FAM234A: variants seen among roughly 807,000 people sequenced by gnomAD.
FAM234A encodes protein FAM234A.
In FAM234A, 42 loss-of-function variants were observed where a neutral mutation model predicts 49.1. The ratio of observed to expected loss-of-function variants is 0.86; its 90% CI spans 0.67 to 1.11. FAM234A has a LOEUF of 1.11. Ranked by LOEUF, FAM234A falls within the 50% of genes least tolerant of loss-of-function variation. The pLI, the probability that FAM234A is intolerant of heterozygous loss-of-function variation, is 0.00. For missense variants in FAM234A, 815 were observed against 745.2 expected, an observed-to-expected ratio of 1.09 and a Z score of -1.09; for synonymous variants, 369 against 316.2, an observed-to-expected ratio of 1.17 and a Z score of -1.77.
intron 2 of FAM234A, among the ~76,000 whole-genome samples, chr16:250,693 A>G (rs1203635631): frequency 1.3e-5 from 2 of 151,120 alleles, no homozygotes; most frequent in Non-Finnish European, 3.0e-5. Flanking sequence ...CCACAAAGAA[A>G]CCCTCAGCCC....
At chr16:254,073 C>G (rs2051128305) in intron 2 of FAM234A, 3 of 341,048 alleles carry the variant, frequency 8.8e-6, no homozygotes, top group Admixed American at 4.7e-5. Context: ...TAACACTGCC[C>G]TGGAGCTCAT....
chr16:264,978 A>G lies in FAM234A; in HGVS notation c.1615A>G (p.Ile539Val), dbSNP rs369584874. The G allele has an allele frequency of 4.1e-5, 66 of 1,611,718 alleles. No homozygotes were observed. The highest frequency in any genetic ancestry group is 5.3e-5 in the Non-Finnish European group (62 of 1,179,062). Residue 539 changes from isoleucine (I) to valine (V), a missense_variant, in exon 13 of 13, where the codon ATC (isoleucine) becomes GTC (valine). Ile to Val is a conservative substitution (Grantham distance 29). Transcript: ENST00000399932. Reference protein sequence around the residue: ...GEGGPDSDQAIRDRFSRLRYQ... With the variant: ...GEGGPDSDQAVRDRFSRLRYQ... ...GGGTGGGCCAGACAGTGACCAAGCC[A>G]TCAGGGACCGGTTCTCCCGGCTGCG...
chr16:265,165 C>G lies in FAM234A; in HGVS notation c.*143C>G. 1 of 1,432,244 alleles carries G rather than the reference C, an allele frequency of 7.0e-7. No homozygotes were observed. The allele number at this position is 1,432,244 out of a possible 1,614,324, so 88.7% of individuals were successfully genotyped here. On this transcript the variant is annotated 3_prime_UTR_variant, in exon 13 of 13. Transcript: ENST00000399932. ...CGCCACTGGGCAGCAGCAGCCTTAC[C>G]AGTCCTCCATGATCACACCCAGGGA...
At chr16:244,061 C>T (rs1474116829) in intron 1 of FAM234A, among the ~76,000 whole-genome samples, 11 of 152,018 alleles carry the variant, frequency 7.2e-5, no homozygotes, top group Non-Finnish European at 1.5e-5. Context: ...CTCCGCCTCC[C>T]AGGTTCACAC....
chr16:239,336 G>T (rs7200945), intron 1 of FAM234A, among the ~76,000 whole-genome samples: 1 of 149,914 alleles, frequency 6.7e-6, no homozygotes, highest in Non-Finnish European at 1.5e-5. Flanking sequence ...AAATTGTGCC[G>T]GATGCGGTGG....
intron 1 of FAM234A, among the ~76,000 whole-genome samples, chr16:241,928 A>G (rs1251987546): frequency 1.3e-5 from 2 of 151,412 alleles, no homozygotes; most frequent in African/African-American, 2.4e-5. Flanking sequence ...AAAAAAGGCA[A>G]TTAGAATGAG....
chr16:262,277 G>T (rs1316806482), intron 7 of FAM234A, 52 bp downstream of exon 7: 3 of 1,601,830 alleles, frequency 1.9e-6, no homozygotes, highest in South Asian at 1.1e-5. Context: ...GAGCATGACT[G>T]CCCTGCGGCT....
At chr16:251,265 A>G (rs1429467430) in intron 2 of FAM234A, among the ~76,000 whole-genome samples, 2 of 152,148 alleles carry the variant, frequency 1.3e-5, no homozygotes, top group African/African-American at 2.4e-5. Context: ...CGATACGTTC[A>G]TATGTTGTTG....
chr16:265,283 T>A lies in FAM234A; in HGVS notation c.*261T>A. 1.5e-6 allele frequency: 2 copies of A among 1,297,410 alleles called. No homozygotes were observed. The allele number at this position is 1,297,410 out of a possible 1,614,324, so 80.4% of individuals were successfully genotyped here. On this transcript the variant is annotated 3_prime_UTR_variant, in exon 13 of 13. Transcript: ENST00000399932. ...GGCCTCACTCTGCACCCCACCAGGG[T>A]CCCGCTCACACCAGGCAGCCTTCAT...
intron 1 of FAM234A, among the ~76,000 whole-genome samples, chr16:242,281 C>T (rs2050645426): frequency 6.6e-6 from 1 of 152,138 alleles, no homozygotes; most frequent in African/African-American, 2.4e-5. Flanking sequence ...GTAGTACGAT[C>T]TTGGCTCACC....
intron 1 of FAM234A, among the ~76,000 whole-genome samples, chr16:246,203 A>G (rs1226105486): frequency 6.6e-6 from 1 of 151,610 alleles, no homozygotes; most frequent in African/African-American, 2.4e-5. Flanking sequence ...TGACAGAGCA[A>G]GATTCTGTCT....
At chr16:257,371 A>G (rs2051278550) in intron 3 of FAM234A, among the ~76,000 whole-genome samples, 1 of 145,722 alleles carries the variant, frequency 6.9e-6, no homozygotes, top group African/African-American at 2.6e-5. Context: ...TCAGCCTCCC[A>G]AGTAGCTGGG....
chr16:258,608 T>C (rs1164117240), intron 3 of FAM234A, among the ~76,000 whole-genome samples: 6 of 152,162 alleles, frequency 3.9e-5, no homozygotes, highest in African/African-American at 1.4e-4. Flanking sequence ...CCCACCTTTC[T>C]CCCCTTTCTA....
At chr16:268,426 A>C (rs1207833994), downstream of FAM234A, 4 of 353,014 alleles carry the variant, frequency 1.1e-5, no homozygotes, top group East Asian at 2.4e-4. Flanking sequence ...AGAGAGTTGA[A>C]GCTGCACCCC....
At chr16:269,257 G>C, downstream of FAM234A, 3 of 1,525,198 alleles carry the variant, frequency 2.0e-6, no homozygotes, top group Non-Finnish European at 2.7e-6. Flanking sequence ...AGTGGCAGAT[G>C]GGCCAGGTCC....
At chr16:242,506 G>A (rs1009954358) in intron 1 of FAM234A, among the ~76,000 whole-genome samples, 23 of 151,928 alleles carry the variant, frequency 1.5e-4, no homozygotes, top group Non-Finnish European at 2.9e-4. Context: ...GAGTCACCGC[G>A]GGCTTACTGA....
At chr16:255,868 G>A (rs1332119731) in intron 3 of FAM234A, among the ~76,000 whole-genome samples, 1 of 152,146 alleles carries the variant, frequency 6.6e-6, no homozygotes, top group Non-Finnish European at 1.5e-5. Context: ...TCTCCGTGTT[G>A]GTCAGGCTGG....
At chr16:253,650 A>G (rs1170719229) in intron 2 of FAM234A, among the ~76,000 whole-genome samples, 1 of 151,760 alleles carries the variant, frequency 6.6e-6, no homozygotes, top group African/African-American at 2.4e-5. Flanking sequence ...AATTTTTTGT[A>G]TTTTTAGTAG....
chr16:258,714 C>A (rs2051336403), intron 3 of FAM234A, among the ~76,000 whole-genome samples: 1 of 152,242 alleles, frequency 6.6e-6, no homozygotes, highest in African/African-American at 2.4e-5. Context: ...GGGCTCCTCA[C>A]TTCCCAGTAG....
Sources: gnomAD v4.1 joint callset for allele counts (sites outside exome capture counted in the v4.1 genomes callset) on GRCh38, gnomAD v4.1.1 for gene constraint, MANE v1.5 for transcripts, NCBI Gene and HGNC (gene_info 2026-07-23, HGNC 2026-07-21) for gene names.